The following CBFA2T3 variants were observed in gnomAD, a reference collection of about 807,000 sequenced individuals.
The protein encoded by CBFA2T3 is transcriptional corepressor CBFA2T3.
In CBFA2T3, 31 loss-of-function variants were observed where a neutral mutation model predicts 58.6. The observed-to-expected ratio is 0.53, with a 90% CI of 0.40 to 0.71. The LOEUF (loss-of-function observed/expected upper bound fraction) is 0.71, where lower values mean the gene tolerates loss of function less well. CBFA2T3 is among the 30% of genes least tolerant of loss of function. CBFA2T3 has a pLI of 0.00. For missense variants in CBFA2T3, 1,076 were observed against 963.1 expected (o/e 1.12, Z -1.55); for synonymous variants, 531 against 421.9 (o/e 1.26, Z -3.17).
chr16:88,913,555 G>A (rs1970595078), intron 1 of CBFA2T3, among the ~76,000 whole-genome samples: 1 of 152,200 alleles, frequency 6.6e-6, no homozygotes. Context: ...CTGGAGAAGA[G>A]AAGTGACCCA....
intron 10 of CBFA2T3, 100 bp from the exon 11 acceptor site, chr16:88,879,560 G>A: frequency 1.9e-6 from 2 of 1,063,868 alleles, no homozygotes; most frequent in African/African-American, 3.1e-5. Flanking sequence ...GGGGCTGTGT[G>A]CAGCTGAACA....
intron 1 of CBFA2T3, among the ~76,000 whole-genome samples, chr16:88,968,068 C>T (rs760593757): frequency 6.6e-6 from 1 of 152,256 alleles, no homozygotes; most frequent in Non-Finnish European, 1.5e-5. Flanking sequence ...GGTCATGGGG[C>T]TGAGTTGGGA....
At chr16:88,886,835 G>A (rs929761151) in intron 5 of CBFA2T3, 4 of 152,342 alleles carry the variant, frequency 2.6e-5, no homozygotes, top group African/African-American at 9.6e-5. Context: ...CACGTGTGCG[G>A]GTAAAGACTC....
At chr16:88,930,145 C>T (rs994342434) in intron 1 of CBFA2T3, among the ~76,000 whole-genome samples, 2 of 148,186 alleles carry the variant, frequency 1.3e-5, no homozygotes, top group Non-Finnish European at 2.9e-5. Flanking sequence ...GTAAAAGCTA[C>T]CAATACCCAC....
At chr16:88,914,477 T>G (rs1027099743) in intron 1 of CBFA2T3, among the ~76,000 whole-genome samples, 1 of 152,226 alleles carries the variant, frequency 6.6e-6, no homozygotes, top group African/African-American at 2.4e-5. Context: ...CGACAAAGCA[T>G]GAGGTTCTAT....
intron 1 of CBFA2T3, among the ~76,000 whole-genome samples, chr16:88,914,068 A>G (rs1308705848): frequency 1.3e-5 from 2 of 152,244 alleles, no homozygotes; most frequent in Non-Finnish European, 2.9e-5. Context: ...ATACAATGGA[A>G]TACAATACAG....
chr16:88,956,847 G>T (rs1461810988), intron 1 of CBFA2T3, among the ~76,000 whole-genome samples: 2 of 152,216 alleles, frequency 1.3e-5, no homozygotes, highest in African/African-American at 4.8e-5. Flanking sequence ...CGTCACAGGG[G>T]CCTGCAGCAG....
intron 1 of CBFA2T3, among the ~76,000 whole-genome samples, chr16:88,914,202 G>A (rs1011929628): frequency 2.6e-5 from 4 of 152,348 alleles, no homozygotes; most frequent in Admixed American, 2.0e-4. Flanking sequence ...GCGAGAGTCC[G>A]TTTCTAGAAA....
chr16:88,907,541 G>A (rs1356584403), intron 1 of CBFA2T3, among the ~76,000 whole-genome samples: 2 of 152,252 alleles, frequency 1.3e-5, no homozygotes, highest in Non-Finnish European at 2.9e-5. Flanking sequence ...CTGAGATCCT[G>A]CGCTTCTCTA....
In CBFA2T3 at chr16:88,882,804, A is replaced by T. The variant is rs74749496; in HGVS notation, c.1118-43T>A. ...GCACGCTTAGGTCCCACCCACAGCC[A>T]GTCTCTGCCCTATTCTCCCAGACCC... On this transcript the variant is annotated intron_variant, in intron 7 of 11. Coordinates refer to ENST00000268679, the MANE Select transcript of CBFA2T3 (RefSeq NM_005187.6). 2.3e-6 allele frequency: 3 copies of T among 1,316,158 alleles called. No individual in the cohort carries two copies. In the African/African-American group the frequency reaches 4.4e-5, roughly 19 times the overall value. 81.5% of individuals were successfully genotyped at this position (1,316,158 alleles called of 1,614,324 possible).
In CBFA2T3 at chr16:88,882,559, T is replaced by C. The variant is rs952637176; in HGVS notation, c.1203+117A>G. On this transcript the variant is annotated intron_variant, in intron 8 of 11. Transcript: ENST00000268679. Reference sequence around the variant, plus strand: ...GGCTGTGTGCATGGGTGTGGCTGTGTGTGGGCATGGCTGTGGGCGTGGCTG... The same window carrying C: ...GGCTGTGTGCATGGGTGTGGCTGTGCGTGGGCATGGCTGTGGGCGTGGCTG... 3 of 668,470 alleles carry C rather than the reference T, an allele frequency of 4.5e-6. No homozygotes were observed. In the East Asian group the frequency reaches 8.6e-5, roughly 19 times the overall value. 41.4% of individuals were successfully genotyped at this position (668,470 alleles called of 1,614,324 possible).
Position 88,959,772 on chromosome 16 carries a change from T to C in CBFA2T3, c.151+16885A>G, listed in dbSNP as rs190944133. On this transcript the variant is annotated intron_variant, in intron 1 of 11. Transcript: ENST00000268679. ...TTTAAAAAGATCATTAAGCCTGTCA[T>C]CCCAGCACTTTGGGAGGCCAAGGCA... Among the ~76,000 whole-genome samples, 638 of 152,272 alleles carry C rather than the reference T, an allele frequency of 4.2e-3. 10 individuals carry two copies. Among genetic ancestry groups the C allele is most frequent in the African/African-American group, 0.015 (618 of 41,544 alleles).
chr16:88,939,065 C>A (rs902210983), intron 1 of CBFA2T3: 2 of 152,204 alleles, frequency 1.3e-5, no homozygotes, highest in African/African-American at 4.8e-5. Flanking sequence ...ATCTCCAGAT[C>A]CTCGCGTAGG....
chr16:88,974,126 G>A (rs1325803692), intron 1 of CBFA2T3, among the ~76,000 whole-genome samples: 1 of 152,166 alleles, frequency 6.6e-6, no homozygotes, highest in Non-Finnish European at 1.5e-5. Context: ...TCTGTCCCTG[G>A]CACCCTCCTC....
chr16:88,921,375 G>A (rs906977309), intron 1 of CBFA2T3, among the ~76,000 whole-genome samples: 6 of 152,208 alleles, frequency 3.9e-5, no homozygotes, highest in African/African-American at 1.4e-4. Flanking sequence ...TCCGTGCCAC[G>A]CCGCCCCACC....
At chr16:88,975,781 G>A (rs988488872) in intron 1 of CBFA2T3, among the ~76,000 whole-genome samples, 15 of 152,390 alleles carry the variant, frequency 9.8e-5, no homozygotes, top group South Asian at 4.1e-4. Flanking sequence ...GGCAGCCGCC[G>A]CCAGGACCTG....
intron 3 of CBFA2T3, among the ~76,000 whole-genome samples, chr16:88,894,715 A>T (rs1312213916): frequency 6.6e-6 from 1 of 152,048 alleles, no homozygotes; most frequent in African/African-American, 2.4e-5. Context: ...ACCCGTGCTG[A>T]GAGTGTGGGT....
chr16:88,969,794 C>G (rs1972603221), intron 1 of CBFA2T3, among the ~76,000 whole-genome samples: 1 of 152,200 alleles, frequency 6.6e-6, no homozygotes, highest in African/African-American at 2.4e-5. Flanking sequence ...TACTAGAGGG[C>G]ACCGTGGACC....
Position 88,885,015 on chromosome 16 carries a change from G to T in CBFA2T3, c.1117+31C>A. On this transcript the variant is annotated intron_variant, in intron 7 of 11. Transcript: ENST00000268679. The surrounding 1 kb of genome is among the most constrained non-coding windows in gnomAD (Gnocchi z 5.3). ...GCGCATGTGTGCTCCTGTAACACGC[G>T]TCCACGCTCCCGCCCCACCGGGCTG... The T allele has an allele frequency of 6.5e-7, 1 of 1,529,502 alleles. No individual in the cohort carries two copies. The highest frequency in any genetic ancestry group is 8.9e-7 in the Non-Finnish European group (1 of 1,128,800). The allele number at this position is 1,529,502 out of a possible 1,614,324, so 94.7% of individuals were successfully genotyped here.
Sources: allele counts gnomAD v4.1 joint callset (sites outside exome capture counted in the v4.1 genomes callset), GRCh38; gene constraint gnomAD v4.1.1; non-coding constraint Gnocchi (gnomAD v3.1); transcripts MANE v1.5; gene names NCBI Gene and HGNC (gene_info 2026-07-23, HGNC 2026-07-21).